ADCY2: variants seen among roughly 807,000 people sequenced by gnomAD.
ADCY2 encodes the protein adenylate cyclase 2, also known as adenylate cyclase type 2.
ADCY2 carries 31 observed loss-of-function variants against 125.2 expected under a neutral mutation model. The observed-to-expected ratio is 0.25, with a 90% confidence interval of 0.19 to 0.33. ADCY2 has a LOEUF of 0.33. ADCY2 is among the 10% of genes least tolerant of loss of function. The probability of loss-of-function intolerance (pLI) is 1.00; values close to 1 mark genes in which losing one functional copy is unlikely to be tolerated. For synonymous variants in ADCY2, 512 were observed against 548.4 expected (o/e 0.93, Z 0.93); for missense variants, 904 against 1,418.2 (o/e 0.64, Z 5.82).
chr5:7,554,823 A>G (rs1196126106), intron 3 of ADCY2, among the ~76,000 whole-genome samples: 1 of 152,196 alleles, frequency 6.6e-6, no homozygotes, highest in Non-Finnish European at 1.5e-5. Flanking sequence ...TTTTATATAT[A>G]TGCAAATGTC....
At chr5:7,813,880 C>T (rs917948346) in intron 22 of ADCY2, among the ~76,000 whole-genome samples, 2 of 152,174 alleles carry the variant, frequency 1.3e-5, no homozygotes, top group African/African-American at 2.4e-5. Flanking sequence ...CAAATATGTC[C>T]TCCTTACTTG....
At chr5:7,457,406 C>A (rs376208433) in intron 2 of ADCY2, among the ~76,000 whole-genome samples, 1 of 152,182 alleles carries the variant, frequency 6.6e-6, no homozygotes, top group Non-Finnish European at 1.5e-5. Flanking sequence ...AGAGCCTGGT[C>A]TGTCCCATCT....
intron 3 of ADCY2, among the ~76,000 whole-genome samples, chr5:7,537,221 A>C (rs1734844562): frequency 6.6e-6 from 1 of 152,222 alleles, no homozygotes; most frequent in South Asian, 2.1e-4. Flanking sequence ...CTGCAAAGTA[A>C]AAACATTTCC....
chr5:7,747,741 G>A lies in ADCY2; in HGVS notation c.1956+3989G>A, dbSNP rs553804800. Among the ~76,000 whole-genome samples the A allele has an allele frequency of 1.2e-4, 19 of 152,290 alleles. No homozygotes were observed. The South Asian group carries it at 1.7e-3, about 13-fold the overall frequency. Reference sequence around the variant, plus strand: ...CCAACTCCTCTCATGCTGGCTGGCCGGGATTCCCATTTTGCGTTATTACTT... The same window carrying A: ...CCAACTCCTCTCATGCTGGCTGGCCAGGATTCCCATTTTGCGTTATTACTT... On this transcript the variant is annotated intron_variant, in intron 15 of 24. Transcript: ENST00000338316.
intron 2 of ADCY2, among the ~76,000 whole-genome samples, chr5:7,484,204 A>T (rs1298116739): frequency 1.3e-5 from 2 of 152,240 alleles, no homozygotes; most frequent in Non-Finnish European, 2.9e-5. Context: ...AAATATGATT[A>T]TGGGTGCTTT....
chr5:7,718,135 C>T (rs531128309), intron 12 of ADCY2, among the ~76,000 whole-genome samples: 55 of 147,630 alleles, frequency 3.7e-4, no homozygotes, highest in African/African-American at 1.3e-3. Flanking sequence ...AAAATGCATG[C>T]CTGTTTTAGA....
At chr5:7,816,442 A>G (rs759594690) in intron 22 of ADCY2, among the ~76,000 whole-genome samples, 4 of 152,220 alleles carry the variant, frequency 2.6e-5, no homozygotes, top group African/African-American at 7.2e-5. Context: ...CCCAAGGACA[A>G]GGAGCGGGCA....
intron 2 of ADCY2, among the ~76,000 whole-genome samples, chr5:7,505,501 G>A (rs1420811618): frequency 6.6e-6 from 1 of 152,224 alleles, no homozygotes; most frequent in Non-Finnish European, 1.5e-5. Flanking sequence ...AAGGTTTCAG[G>A]CGACCATCCC....
intron 2 of ADCY2, among the ~76,000 whole-genome samples, chr5:7,444,274 T>C (rs1323821612): frequency 6.6e-6 from 1 of 151,034 alleles, no homozygotes; most frequent in Admixed American, 6.6e-5. Context: ...CCACCACGCC[T>C]GGTTAATTTT....
At chr5:7,523,913 G>A (rs1189626894) in intron 3 of ADCY2, among the ~76,000 whole-genome samples, 3 of 152,232 alleles carry the variant, frequency 2.0e-5, no homozygotes, top group African/African-American at 4.8e-5. Flanking sequence ...ATTTTGTTTC[G>A]CACAGATCCA....
At chr5:7,551,754 T>C (rs1735349907) in intron 3 of ADCY2, among the ~76,000 whole-genome samples, 1 of 152,184 alleles carries the variant, frequency 6.6e-6, no homozygotes, top group Non-Finnish European at 1.5e-5. Context: ...TTTCAAGAGA[T>C]GCCATAGATC....
At position 7,712,410 on chromosome 5, in the gene ADCY2, CCCCAGTTCAGTGATGGGGA is replaced by C. The variant is rs1250774234; in HGVS notation, c.1579-445_1579-427del. Reference sequence around the variant, plus strand: ...TAACCAATGGTACTGTTTCTTAACGCCCCAGTTCAGTGATGGGGATGACTACAGATTTTGTGGTTATATT... The same window carrying C: ...TAACCAATGGTACTGTTTCTTAACGCTGACTACAGATTTTGTGGTTATATT... On this transcript the variant is annotated intron_variant, in intron 10 of 24. Transcript: ENST00000338316. Among the ~76,000 whole-genome samples, 6 of 152,268 alleles carry C rather than the reference CCCCAGTTCAGTGATGGGGA, an allele frequency of 3.9e-5. No homozygotes were observed. The East Asian group carries it at 9.7e-4, about 24-fold the overall frequency.
intron 4 of ADCY2, among the ~76,000 whole-genome samples, chr5:7,656,202 G>C (rs1739320228): frequency 6.6e-6 from 1 of 152,010 alleles, no homozygotes; most frequent in South Asian, 2.1e-4. Flanking sequence ...TTACAGGCAT[G>C]TGCCACCATG....
chr5:7,666,520 G>A (rs1267820807), intron 4 of ADCY2, among the ~76,000 whole-genome samples: 5 of 152,116 alleles, frequency 3.3e-5, no homozygotes, highest in African/African-American at 4.8e-5. Context: ...CGACCGCCTC[G>A]GCCTCCCAAA....
At chr5:7,415,343 C>A (rs528426391) in intron 2 of ADCY2, among the ~76,000 whole-genome samples, 1 of 152,288 alleles carries the variant, frequency 6.6e-6, no homozygotes, top group South Asian at 2.1e-4. Flanking sequence ...GCAAACCCAT[C>A]GTACCACAGC....
chr5:7,698,771 T>C (rs1740977607), intron 7 of ADCY2, among the ~76,000 whole-genome samples: 1 of 152,248 alleles, frequency 6.6e-6, no homozygotes, highest in African/African-American at 2.4e-5. Flanking sequence ...CCACATTTTC[T>C]TAATCCAGTC....
chr5:7,584,821 A>G (rs544408078), intron 3 of ADCY2, among the ~76,000 whole-genome samples: 1 of 152,164 alleles, frequency 6.6e-6, no homozygotes, highest in African/African-American at 2.4e-5. Flanking sequence ...GTGATGATGC[A>G]CTTTTGTGGA....
At chr5:7,427,567 C>T (rs547147702) in intron 2 of ADCY2, among the ~76,000 whole-genome samples, 5 of 152,230 alleles carry the variant, frequency 3.3e-5, no homozygotes, top group Admixed American at 1.3e-4. Flanking sequence ...TCCCACAACA[C>T]GTAGGGATTA....
At chr5:7,560,792 G>A (rs1425685110) in intron 3 of ADCY2, among the ~76,000 whole-genome samples, 10 of 152,064 alleles carry the variant, frequency 6.6e-5, no homozygotes, top group South Asian at 2.1e-4. Context: ...AGATTCAAGC[G>A]ATTCTCCTGT....
Sources: allele counts gnomAD v4.1 joint callset (sites outside exome capture counted in the v4.1 genomes callset), GRCh38; gene constraint gnomAD v4.1.1; transcripts MANE v1.5; gene names NCBI Gene and HGNC (gene_info 2026-07-23, HGNC 2026-07-21).